Variants in MYCBPAP observed in about 807,000 individuals in gnomAD.
MYCBPAP encodes the protein MYCBP-associated protein.
Under a neutral mutation model 106.1 loss-of-function variants are expected in MYCBPAP, and 60 were observed. The observed-to-expected ratio is 0.57, with a 90% CI of 0.46 to 0.70. The LOEUF is 0.70. Ranked by LOEUF, MYCBPAP falls within the 30% of genes least tolerant of loss-of-function variation. The pLI, the probability that MYCBPAP is intolerant of heterozygous loss-of-function variation, is 0.00. For synonymous variants in MYCBPAP, 407 were observed against 440.6 expected, an observed-to-expected ratio of 0.92 and a Z score of 0.95; for missense variants, 1,064 against 1,169.3, an observed-to-expected ratio of 0.91 and a Z score of 1.31.
At chr17:50,527,230 C>T (rs776911763) in intron 14 of MYCBPAP, 57 bp from the exon 15 acceptor site, 2 of 1,606,406 alleles carry the variant, frequency 1.2e-6, no homozygotes, top group Middle Eastern at 1.7e-4. Context: ...CCATGCCCTT[C>T]ACTAGAGGAC....
intron 1 of MYCBPAP, chr17:50,510,496 T>G (rs2033793208): frequency 4.0e-5 from 4 of 100,676 alleles, no homozygotes; most frequent in African/African-American, 1.4e-4. Context: ...TGTGTGTGTG[T>G]GTGTATATAT....
Position 50,519,794 on chromosome 17 carries a change from C to T in MYCBPAP, c.916+7C>T, listed in dbSNP as rs746615218. ...TCCATCCGGGTGGAGACAGGTGAGGCGCAGGGCTGTAAGCCAGCTAGCATC... is the reference window on the plus strand; with the variant it reads ...TCCATCCGGGTGGAGACAGGTGAGGTGCAGGGCTGTAAGCCAGCTAGCATC... On this transcript the variant is annotated splice_region_variant and intron_variant, in intron 7 of 18. Transcript: ENST00000323776. The T allele has an allele frequency of 1.7e-5, 28 of 1,612,312 alleles. No homozygotes were observed. Among genetic ancestry groups the T allele is most frequent in the Middle Eastern group, 3.3e-4 (2 of 6,016 alleles).
intron 1 of MYCBPAP, among the ~76,000 whole-genome samples, chr17:50,513,711 A>G (rs1046634604): frequency 3.3e-5 from 5 of 152,246 alleles, no homozygotes; most frequent in African/African-American, 1.2e-4. Flanking sequence ...ATGTCAACCC[A>G]GCCAAGGTTA....
In MYCBPAP at chr17:50,528,158, G is replaced by A; in HGVS notation, c.2295G>A (p.Leu765=). Residue 765 remains leucine, a synonymous_variant, in exon 16 of 19, where the codon TTG becomes TTA. Coordinates refer to ENST00000323776, the MANE Select transcript of MYCBPAP (RefSeq NM_032133.6). ...LQSNLLHQMC[L]QLWRDVIDSL... is the part of the protein sequence containing the mutation. ...TCCACTGTGTCTTGCCCTCTAGTTT[G>A]CAGCTGTGGCGAGATGTGATTGACA... is the stretch of plus-strand genomic sequence containing the variant. The A allele has an allele frequency of 1.4e-5, 23 of 1,613,910 alleles. No individual in the cohort carries two copies. Among genetic ancestry groups the A allele is most frequent in the Non-Finnish European group, 1.9e-5 (23 of 1,179,854 alleles).
intron 15 of MYCBPAP, 62 bp downstream of exon 15, chr17:50,527,470 T>C: frequency 1.3e-6 from 2 of 1,598,510 alleles, no homozygotes; most frequent in Non-Finnish European, 1.7e-6. Flanking sequence ...GCAGGGGTCC[T>C]GGGCAGGCAG....
intron 1 of MYCBPAP, 64 bp downstream of exon 1, chr17:50,508,814 T>A: frequency 7.0e-7 from 1 of 1,418,528 alleles, no homozygotes; most frequent in Non-Finnish European, 9.8e-7. Flanking sequence ...CCGGAAAGAG[T>A]TCAGGACACG....
chr17:50,528,813 G>C lies in MYCBPAP; in HGVS notation c.2526G>C (p.Lys842Asn). 1 of 1,613,506 alleles carries C rather than the reference G, an allele frequency of 6.2e-7. No individual in the cohort carries two copies. The highest frequency in any genetic ancestry group is 8.5e-7 in the Non-Finnish European group (1 of 1,179,970). The part of the protein sequence containing the change: ...KQLGIKDKED[K>N]KGAKLLGKED... ...TGGGGATCAAAGACAAAGAAGACAA[G>C]AAAGGAGCCAAGCTGCTCGGGAAAG... Residue 842 changes from lysine to asparagine, a missense_variant, in exon 17 of 19, where the codon AAG (lysine) becomes AAC (asparagine). Coordinates refer to ENST00000323776, the MANE Select transcript of MYCBPAP (RefSeq NM_032133.6).
At chr17:50,524,603 G>A (rs2034387932) in intron 12 of MYCBPAP, among the ~76,000 whole-genome samples, 1 of 152,050 alleles carries the variant, frequency 6.6e-6, no homozygotes, top group Non-Finnish European at 1.5e-5. Flanking sequence ...CAGGCCCCAG[G>A]CAGCAGCAGC....
chr17:50,516,710 C>T lies in MYCBPAP; in HGVS notation c.204+13C>T. 1 of 1,613,422 alleles carries T rather than the reference C, an allele frequency of 6.2e-7. No homozygotes were observed. The highest frequency in any genetic ancestry group is 8.5e-7 in the Non-Finnish European group (1 of 1,179,700). On this transcript the variant is annotated intron_variant, in intron 2 of 18. Transcript: ENST00000323776. ...AGACTTGAAGGAGGTGAGGATGAAG[C>T]CCAAGCTTCCCTTACCATAGAAACG...
chr17:50,508,238 G>A (rs1336767859), upstream of MYCBPAP: 3 of 300,044 alleles, frequency 1.0e-5, no homozygotes, highest in Non-Finnish European at 1.8e-5. Context: ...TGGCACCCCC[G>A]ACGCCCCACC....
rs771047743 is a variant in MYCBPAP at position 50,521,199 on chromosome 17, A to G, written c.1006A>G (p.Met336Val). 4.3e-6 allele frequency: 7 copies of G among 1,613,386 alleles called. No individual in the cohort carries two copies. In the Admixed American group the frequency reaches 1.2e-4, roughly 27 times the overall value. Residue 336 changes from methionine (M) to valine (V), a missense_variant, in exon 8 of 19, where the codon ATG becomes GTG. Physicochemically the swap from Met to Val is conservative, Grantham distance 21. Coordinates refer to ENST00000323776, the MANE Select transcript of MYCBPAP (RefSeq NM_032133.6). ...CCGACGCAAGGAGCTGCAGAGAATC[A>G]TGGAAGAGCTGGATTTCAGCCAGCA... The part of the protein sequence containing the change: ...IYRRKELQRI[M>V]EELDFSQQDI...
At chr17:50,522,691 T>C (rs1383643788) in intron 10 of MYCBPAP, 1 of 21,624 alleles carries the variant, frequency 4.6e-5, no homozygotes, top group East Asian at 2.8e-3. Context: ...CGAAACTCTG[T>C]CTCAAAAAAA....
At chr17:50,524,273 C>G (rs6504667) in intron 12 of MYCBPAP, among the ~76,000 whole-genome samples, 123,607 of 152,242 alleles carry the variant, frequency 0.81, 50,985 homozygotes, top group African/African-American at 0.95. Flanking sequence ...CGTCCGCAGT[C>G]AGTTTCACAG....
chr17:50,519,915 TC>T (rs2034197994), intron 7 of MYCBPAP, 128 bp downstream of exon 7: 1 of 1,011,970 alleles, frequency 9.9e-7, no homozygotes, highest in African/African-American at 1.6e-5. Context: ...TTCTCTGGGG[TC>T]TTAGGCAAGT....
chr17:50,530,962 G>T (rs1202908058), intron 18 of MYCBPAP, among the ~76,000 whole-genome samples: 1 of 152,072 alleles, frequency 6.6e-6, no homozygotes, highest in African/African-American at 2.4e-5. Flanking sequence ...ACTAGCCTGG[G>T]CAATGTGGTG....
chr17:50,528,954 T>G, intron 17 of MYCBPAP, 64 bp from the exon 18 acceptor site: 1 of 1,598,884 alleles, frequency 6.3e-7, no homozygotes, highest in East Asian at 2.2e-5. Flanking sequence ...GAGCTACTGT[T>G]GAGGACATCC....
rs746689664 is a variant in MYCBPAP, at chr17:50,518,961, C to CCT, written c.653-4_653-3dup. On this transcript the variant is annotated splice_polypyrimidine_tract_variant and intron_variant, in intron 5 of 18. Coordinates refer to ENST00000323776, the MANE Select transcript of MYCBPAP (RefSeq NM_032133.6). Reference sequence around the variant, plus strand: ...GTTCGGCAGAGTGGCGGCAATCTTGCCTCTCTCTCTAGAACACCTAAAGAA... The same window carrying CCT: ...GTTCGGCAGAGTGGCGGCAATCTTGCCTCTCTCTCTCTAGAACACCTAAAGAA... 4.4e-6 allele frequency: 7 copies of CCT among 1,608,950 alleles called. No homozygotes were observed. In the African/African-American group the frequency reaches 5.3e-5, roughly 12 times the overall value.
intron 16 of MYCBPAP, 150 bp from the exon 17 acceptor site, chr17:50,528,545 C>A: frequency 9.8e-7 from 1 of 1,024,556 alleles, no homozygotes; most frequent in Non-Finnish European, 1.4e-6. Flanking sequence ...ACATAGGCAC[C>A]ACAGTCCTGT....
At chr17:50,521,044 T>G in intron 7 of MYCBPAP, 66 bp from the exon 8 acceptor site, 253 of 1,319,864 alleles carry the variant, frequency 1.9e-4, no homozygotes, top group Non-Finnish European at 2.5e-4. Flanking sequence ...TCAGAGCCCT[T>G]GAGAAGTGGG....
Sources: gnomAD v4.1 joint callset for allele counts (sites outside exome capture counted in the v4.1 genomes callset) on GRCh38, gnomAD v4.1.1 for gene constraint, MANE v1.5 for transcripts, NCBI Gene and HGNC (gene_info 2026-07-23, HGNC 2026-07-21) for gene names.